C11orf65: variants seen among roughly 807,000 people sequenced by gnomAD.
C11orf65 encodes protein MFI.
C11orf65 carries 38 observed loss-of-function variants against 35.3 expected under a neutral mutation model. That is an observed-to-expected ratio of 1.08 (90% CI 0.83 to 1.41). The LOEUF (loss-of-function observed/expected upper bound fraction) is 1.41. Ranked by LOEUF, C11orf65 falls within the 40% of genes most tolerant of loss-of-function variation. The probability of loss-of-function intolerance (pLI) is 0.00; values close to 1 mark genes in which losing one functional copy is unlikely to be tolerated. For missense variants in C11orf65, 370 were observed against 367.1 expected (o/e 1.01, Z -0.06); for synonymous variants, 105 against 114.4 (o/e 0.92, Z 0.53).
At chr11:108,325,651 T>C (rs951954719) in intron 6 of C11orf65, 24 of 933,720 alleles carry the variant, frequency 2.6e-5, no homozygotes, top group Non-Finnish European at 3.5e-5. Flanking sequence ...GATAGAGATC[T>C]CTATTAATAT....
intron 6 of C11orf65, chr11:108,316,174 A>T: frequency 7.0e-7 from 1 of 1,420,112 alleles, no homozygotes; most frequent in Non-Finnish European, 9.9e-7. Context: ...TTATTTCAGT[A>T]TGTTGGTGGA....
At chr11:108,409,458 T>G (rs193036292) in intron 3 of C11orf65, among the ~76,000 whole-genome samples, 41 of 152,276 alleles carry the variant, frequency 2.7e-4, no homozygotes, top group Admixed American at 6.5e-4. Context: ...TTGACTACAA[T>G]GGTGTGAAAG....
chr11:108,317,615 T>TTATATATATATATATATATATATATA (rs376158749), intron 6 of C11orf65: 1 of 211,242 alleles, frequency 4.7e-6, no homozygotes, highest in Non-Finnish European at 8.5e-6. Context: ...AGGAGTTGTT[T>TTATATATATATATATATATATATATA]TATATATATA....
chr11:108,443,055 T>C (rs1331986083), intron 2 of C11orf65, among the ~76,000 whole-genome samples: 2 of 152,188 alleles, frequency 1.3e-5, no homozygotes, highest in Non-Finnish European at 2.9e-5. Context: ...CCCATCACTG[T>C]GCTGTATTCA....
At chr11:108,426,750 T>C (rs765221051) in intron 3 of C11orf65, among the ~76,000 whole-genome samples, 5 of 151,662 alleles carry the variant, frequency 3.3e-5, no homozygotes, top group African/African-American at 4.8e-5. Flanking sequence ...CTTCAAACTA[T>C]ACTACAAGGC....
chr11:108,460,751 TTGC>T (rs752022308), intron 2 of C11orf65, among the ~76,000 whole-genome samples: 37 of 152,032 alleles, frequency 2.4e-4, no homozygotes, highest in Admixed American at 7.2e-4. Context: ...GTTGTTGTTG[TTGC>T]TGCTGCTGCT....
intron 6 of C11orf65, among the ~76,000 whole-genome samples, chr11:108,313,346 C>T (rs192504182): frequency 6.6e-6 from 1 of 151,888 alleles, no homozygotes; most frequent in Non-Finnish European, 1.5e-5. Flanking sequence ...TTAGGTATCA[C>T]CCTCTCTCTT....
chr11:108,371,422 C>T (rs546756899), intron 2 of C11orf65, among the ~76,000 whole-genome samples: 1 of 152,174 alleles, frequency 6.6e-6, no homozygotes, highest in Non-Finnish European at 1.5e-5. Flanking sequence ...TACTGTTCTA[C>T]CTTTTGTCTC....
chr11:108,340,250 A>G (rs1157169324), intron 2 of C11orf65: 2 of 152,200 alleles, frequency 1.3e-5, no homozygotes, highest in Non-Finnish European at 1.5e-5. Context: ...CAGTTTCAGC[A>G]GTTACCAACT....
downstream of C11orf65, chr11:108,327,778 C>T (rs730881275): frequency 2.0e-5 from 31 of 1,551,640 alleles, no homozygotes; most frequent in Non-Finnish European, 2.7e-5. Context: ...TTGGAGCAAC[C>T]CTTAAGATAG....
intron 6 of C11orf65, among the ~76,000 whole-genome samples, chr11:108,319,162 G>C (rs1349269230): frequency 6.6e-6 from 1 of 152,188 alleles, no homozygotes; most frequent in East Asian, 1.9e-4. Flanking sequence ...AGGCAACAGA[G>C]TGAGACTCTG....
At position 108,393,317 on chromosome 11, in the gene C11orf65, T is replaced by A. The variant is rs146176775; in HGVS notation, c.622A>T (p.Thr208Ser). The A allele has an allele frequency of 1.9e-6, 3 of 1,614,084 alleles. No homozygotes were observed. Among genetic ancestry groups the A allele is most frequent in the Admixed American group, 1.7e-5 (1 of 60,016 alleles). The change falls in exon 7 of 9, where the codon ACT becomes TCT. Residue 208 changes from threonine (T) to serine (S), a missense_variant. Transcript: ENST00000393084. ...THHETLGLIH[T>S]ATKGLIRAFE... is the part of the protein sequence containing the mutation. The stretch of plus-strand genomic sequence containing the variant: ...GCTCTAATCAGCCCCTTTGTTGCAG[T>A]GTGAATTAGTCCTAGAGTTTCATGA...
downstream of C11orf65, chr11:108,330,303 C>G (rs1324075885): frequency 6.2e-7 from 1 of 1,614,170 alleles, no homozygotes; most frequent in African/African-American, 1.3e-5. Flanking sequence ...TTATGTAAAG[C>G]AGTTGAAAAT....
chr11:108,331,272 T>C, downstream of C11orf65: 2 of 1,369,002 alleles, frequency 1.5e-6, no homozygotes, highest in Non-Finnish European at 1.9e-6. Context: ...GAGTACCCAT[T>C]AGAAAGACCT....
chr11:108,420,233 T>C (rs919993276), intron 3 of C11orf65, among the ~76,000 whole-genome samples: 1 of 152,122 alleles, frequency 6.6e-6, no homozygotes, highest in Non-Finnish European at 1.5e-5. Context: ...TCAGAGAAAA[T>C]TTAGAAGAAC....
intron 6 of C11orf65, among the ~76,000 whole-genome samples, chr11:108,401,277 T>G (rs1439741409): frequency 6.6e-6 from 1 of 151,922 alleles, no homozygotes; most frequent in East Asian, 1.9e-4. Flanking sequence ...TTCCCTGAAC[T>G]TTTAGAAATC....
intron 2 of C11orf65, among the ~76,000 whole-genome samples, chr11:108,435,884 T>C (rs1454534435): frequency 1.3e-5 from 2 of 152,146 alleles, no homozygotes; most frequent in African/African-American, 4.8e-5. Context: ...AATGTGTAAA[T>C]ATGCTGTTAC....
chr11:108,312,998 A>G (rs2084307224), intron 6 of C11orf65, among the ~76,000 whole-genome samples: 1 of 152,088 alleles, frequency 6.6e-6, no homozygotes, highest in Non-Finnish European at 1.5e-5. Flanking sequence ...TAAACCTCTC[A>G]TCTTCTCTTC....
intron 2 of C11orf65, among the ~76,000 whole-genome samples, chr11:108,441,864 G>A (rs1414609345): frequency 1.3e-5 from 2 of 152,124 alleles, no homozygotes; most frequent in Non-Finnish European, 2.9e-5. Context: ...ACAAAGACGG[G>A]GAGAAACCAG....
Sources: allele counts gnomAD v4.1 joint callset (sites outside exome capture counted in the v4.1 genomes callset), GRCh38; gene constraint gnomAD v4.1.1; transcripts MANE v1.5; gene names NCBI Gene and HGNC (gene_info 2026-07-23, HGNC 2026-07-21).